The following TMEM52 variants were observed in gnomAD, a reference collection of about 807,000 sequenced individuals.
TMEM52 encodes transmembrane protein 52.
In TMEM52, 14 loss-of-function variants were observed where a neutral mutation model predicts 16.2. The observed-to-expected ratio is 0.87, with a 90% CI of 0.57 to 1.35. The LOEUF (loss-of-function observed/expected upper bound fraction) is 1.35, where lower values mean the gene tolerates loss of function less well. Ranked by LOEUF, TMEM52 falls within the 40% of genes most tolerant of loss-of-function variation. The pLI is 0.00. For missense variants in TMEM52, 309 were observed against 278.6 expected (o/e 1.11, Z -0.78); for synonymous variants, 136 against 124.7 (o/e 1.09, Z -0.60).
chr1:1,918,966 G>C, intron 2 of TMEM52, 32 bp from the exon 3 acceptor site: 1 of 1,353,310 alleles, frequency 7.4e-7, no homozygotes, highest in African/African-American at 1.5e-5. Context: ...GAGCAGGCGG[G>C]GCATGGGACG....
chr1:1,919,055 G>T lies in TMEM52; in HGVS notation c.118C>A (p.Pro40Thr). The T allele has an allele frequency of 8.2e-6, 11 of 1,339,178 alleles. No individual in the cohort carries two copies. Among genetic ancestry groups the T allele is most frequent in the Non-Finnish European group, 9.5e-6 (10 of 1,049,280 alleles). The allele number at this position is 1,339,178 out of a possible 1,614,324, so 83.0% of individuals were successfully genotyped here. A position where few individuals can be genotyped will look rare whatever the true frequency, so the allele number is the denominator to read the frequency against. Residue 40 changes from proline (P) to threonine (T), a missense_variant, in exon 2 of 5, where the codon CCC becomes ACC. Pro to Thr is a conservative substitution (Grantham distance 38, BLOSUM62 -1). Coordinates refer to ENST00000310991, the MANE Select transcript of TMEM52 (RefSeq NM_178545.4). The part of the protein sequence containing the change: ...ALGFADGSCD[P>T]SDQCPPQARW... Reference sequence around the variant, plus strand: ...TCCCCCCCGACTTACTGGTCCGAGGGGTCGCAGCTGCCGTCCGCGAAGCCC... The same window carrying T: ...TCCCCCCCGACTTACTGGTCCGAGGTGTCGCAGCTGCCGTCCGCGAAGCCC...
rs1651254054 is a variant in TMEM52, at chr1:1,919,126, C to G, written c.85-38G>C. 3.0e-6 allele frequency: 4 copies of G among 1,355,606 alleles called. No individual in the cohort carries two copies. In the East Asian group the frequency reaches 1.2e-4, roughly 41 times the overall value. The allele number at this position is 1,355,606 out of a possible 1,614,324, so 84.0% of individuals were successfully genotyped here. ...GGGTGAGCCCGGGAGGGGCGTGGTC[C>G]GAGCAGGGACCCGCCCCGCGGTGGC... On this transcript the variant is annotated intron_variant, in intron 1 of 4. Transcript: ENST00000310991.
Position 1,917,591 on chromosome 1 carries a change from C to G in TMEM52, c.*291G>C. ...AGAGTCCTTCCCACATAGGCAGAGA[C>G]CACTTAAATACAAACTTTATTCTCT... On this transcript the variant is annotated 3_prime_UTR_variant, in exon 5 of 5. Transcript: ENST00000310991. 2 of 557,442 alleles carry G rather than the reference C, an allele frequency of 3.6e-6. No homozygotes were observed. The highest frequency in any genetic ancestry group is 6.4e-6 in the Non-Finnish European group (2 of 313,742). 34.5% of individuals were successfully genotyped at this position (557,442 alleles called of 1,614,324 possible).
rs139652341 is a variant in TMEM52 at position 1,918,425 on chromosome 1, G to A, written c.177C>T (p.Ile59=). 105 of 1,611,802 alleles carry A rather than the reference G, an allele frequency of 6.5e-5. 1 individual carries two copies. In the Admixed American group the frequency reaches 1.6e-3, roughly 24 times the overall value. The change falls in exon 4 of 5, where the codon ATC becomes ATT. Residue 59 remains isoleucine, a synonymous_variant. Coordinates refer to ENST00000310991, the MANE Select transcript of TMEM52 (RefSeq NM_178545.4). Reference sequence around the variant, plus strand: ...GCAGAAGCAGGAGGACCGCCAGCAGGATGAGCCTAGGAGAGCAAGGCTCTA... The same window carrying A: ...GCAGAAGCAGGAGGACCGCCAGCAGAATGAGCCTAGGAGAGCAAGGCTCTA... ...RWSSLWHVGL[I]LLAVLLLLLC...
At chr1:1,918,473 C>A (rs1381240843) in intron 3 of TMEM52, 42 bp from the exon 4 acceptor site, 4 of 1,543,134 alleles carry the variant, frequency 2.6e-6, no homozygotes, top group Non-Finnish European at 3.5e-6. Context: ...CCCTCGGCCA[C>A]CGGGCACCTG....
At chr1:1,918,453 A>C in intron 3 of TMEM52, 22 bp from the exon 4 acceptor site, 1 of 1,603,178 alleles carries the variant, frequency 6.2e-7, no homozygotes, top group Non-Finnish European at 8.5e-7. Context: ...AGGCTCTACC[A>C]CTGGACTGAC....
At chr1:1,918,500 G>T in intron 3 of TMEM52, 69 bp from the exon 4 acceptor site, 1 of 1,311,454 alleles carries the variant, frequency 7.6e-7, no homozygotes, top group Non-Finnish European at 1.1e-6. Context: ...GGGGAATGTC[G>T]TGGCACAACC....
At position 1,917,659 on chromosome 1, in the gene TMEM52, C is replaced by T; in HGVS notation, c.*223G>A. Reference sequence around the variant, plus strand: ...CGTCACAGGTGGCCCTGAGCTCCCACCCGAGGCTTAGGCCCAAGGGGCCTC... The same window carrying T: ...CGTCACAGGTGGCCCTGAGCTCCCATCCGAGGCTTAGGCCCAAGGGGCCTC... On this transcript the variant is annotated 3_prime_UTR_variant, in exon 5 of 5. Coordinates refer to ENST00000310991, the MANE Select transcript of TMEM52 (RefSeq NM_178545.4). 1 of 601,770 alleles carries T rather than the reference C, an allele frequency of 1.7e-6. No individual in the cohort carries two copies. The highest frequency in any genetic ancestry group is 2.9e-6 in the Non-Finnish European group (1 of 340,808). 37.3% of individuals were successfully genotyped at this position (601,770 alleles called of 1,614,324 possible).
At chr1:1,918,547 G>A (rs1221815256) in intron 3 of TMEM52, 116 bp from the exon 4 acceptor site, 1 of 958,156 alleles carries the variant, frequency 1.0e-6, no homozygotes, top group South Asian at 1.4e-5. Context: ...AGCAGACAAT[G>A]TCTCTCCATG....
Position 1,917,976 on chromosome 1 carries a change from G to A in TMEM52, c.536C>T (p.Pro179Leu), listed in dbSNP as rs200901327. Residue 179 changes from proline (P) to leucine (L), a missense_variant, in exon 5 of 5, where the codon CCT (proline) becomes CTT (leucine). Pro to Leu is a moderately conservative substitution (Grantham distance 98). Transcript: ENST00000310991. ...CTCTAGGCCCGAGGCCCCAAGGAGA[G>A]GGCTGGGTTTCTGGGAGAGTGCTGG... ...EGPALSQKPS[P>L]LLGASGLETT... 4 of 1,613,978 alleles carry A rather than the reference G, an allele frequency of 2.5e-6. No individual in the cohort carries two copies. Among genetic ancestry groups the A allele is most frequent in the Non-Finnish European group, 3.4e-6 (4 of 1,180,022 alleles).
In TMEM52 at chr1:1,917,784, A is replaced by T; in HGVS notation, c.*98T>A. 1.5e-6 allele frequency: 2 copies of T among 1,363,010 alleles called. No homozygotes were observed. The highest frequency in any genetic ancestry group is 1.0e-6 in the Non-Finnish European group (1 of 987,274). 84.4% of individuals were successfully genotyped at this position (1,363,010 alleles called of 1,614,324 possible). On this transcript the variant is annotated 3_prime_UTR_variant, in exon 5 of 5. Transcript: ENST00000310991. ...CAGGGGCCGGTGTAACATGGCACCG[A>T]GGTTGGGGCCACAGCAATGTGTGGG...
intron 3 of TMEM52, 102 bp downstream of exon 3, chr1:1,918,791 C>G (rs1264739654): frequency 7.4e-7 from 1 of 1,356,830 alleles, no homozygotes; most frequent in Non-Finnish European, 9.8e-7. Context: ...GACTGGGCGA[C>G]AGCGGAGGCG....
At chr1:1,918,787 G>T (rs1242551067) in intron 3 of TMEM52, 106 bp downstream of exon 3, 4 of 1,331,114 alleles carry the variant, frequency 3.0e-6, no homozygotes, top group Non-Finnish European at 4.0e-6. Flanking sequence ...CCGGGACTGG[G>T]CGACAGCGGA....
At position 1,918,286 on chromosome 1, in the gene TMEM52, C is replaced by T. The variant is rs781635967; in HGVS notation, c.316G>A (p.Asp106Asn). The change falls in exon 4 of 5, where the codon GAC becomes AAC. Residue 106 changes from aspartate (D) to asparagine (N), a missense_variant. Asp to Asn is a conservative substitution (Grantham distance 23). Coordinates refer to ENST00000310991, the MANE Select transcript of TMEM52 (RefSeq NM_178545.4). Reference sequence around the variant, plus strand: ...GTGCTGTGTACAGGGCTGTCACTGTCCATAGGGATGACTGCCACGTCGCAG... The same window carrying T: ...GTGCTGTGTACAGGGCTGTCACTGTTCATAGGGATGACTGCCACGTCGCAG... The part of the protein sequence containing the change: ...QPCDVAVIPM[D>N]SDSPVHSTVT... The T allele has an allele frequency of 6.2e-6, 10 of 1,612,766 alleles. No homozygotes were observed. The highest frequency in any genetic ancestry group is 4.0e-5 in the African/African-American group (3 of 74,906).
At chr1:1,918,494 A>G in intron 3 of TMEM52, 63 bp from the exon 4 acceptor site, 1 of 1,382,900 alleles carries the variant, frequency 7.2e-7, no homozygotes, top group Non-Finnish European at 1.0e-6. Flanking sequence ...CACCCTGGGG[A>G]ATGTCGTGGC....
rs771177585 is a variant in TMEM52 at position 1,918,151 on chromosome 1, C to G, written c.361G>C (p.Val121Leu). Residue 121 changes from valine (V) to leucine (L), a missense_variant, in exon 5 of 5, where the codon GTG becomes CTG. Val to Leu is a conservative substitution (Grantham distance 32). Coordinates refer to ENST00000310991, the MANE Select transcript of TMEM52 (RefSeq NM_178545.4). ...VHSTVTSYSS[V>L]QYPLGMRLPL... Reference sequence around the variant, plus strand: ...AACCGCATGCCCAGTGGGTACTGCACGGAGCTGTAGGCTGCAGGGAACCAG... The same window carrying G: ...AACCGCATGCCCAGTGGGTACTGCAGGGAGCTGTAGGCTGCAGGGAACCAG... The G allele has an allele frequency of 7.4e-6, 12 of 1,612,958 alleles. No homozygotes were observed. In the South Asian group the frequency reaches 1.3e-4, roughly 18 times the overall value.
In TMEM52 at chr1:1,918,179, T is replaced by C; in HGVS notation, c.350-17A>G. The C allele has an allele frequency of 6.2e-7, 1 of 1,609,076 alleles. No individual in the cohort carries two copies. Among genetic ancestry groups the C allele is most frequent in the African/African-American group, 1.3e-5 (1 of 74,806 alleles). On this transcript the variant is annotated splice_polypyrimidine_tract_variant and intron_variant, in intron 4 of 4. Transcript: ENST00000310991. The stretch of plus-strand genomic sequence containing the variant: ...AGCTGTAGGCTGCAGGGAACCAGAG[T>C]GGGTTCGTGGAGGCGGGCTTGGCAT...
intron 3 of TMEM52, 150 bp downstream of exon 3, chr1:1,918,743 G>A: frequency 1.1e-6 from 1 of 919,114 alleles, no homozygotes; most frequent in Non-Finnish European, 1.6e-6. Context: ...GGGAGGGAAG[G>A]TCCTGCTTGC....
Position 1,919,271 on chromosome 1 carries a change from G to T in TMEM52, c.-6C>A. On this transcript the variant is annotated 5_prime_UTR_variant, in exon 1 of 5. Coordinates refer to ENST00000310991, the MANE Select transcript of TMEM52 (RefSeq NM_178545.4). Reference sequence around the variant, plus strand: ...GCCAGCGGCCCCCGGGCCATGCTCTGAGGAGGTTGGAGCAAAGCCCGGCGG... The same window carrying T: ...GCCAGCGGCCCCCGGGCCATGCTCTTAGGAGGTTGGAGCAAAGCCCGGCGG... 1 of 1,381,958 alleles carries T rather than the reference G, an allele frequency of 7.2e-7. No homozygotes were observed. The highest frequency in any genetic ancestry group is 9.3e-7 in the Non-Finnish European group (1 of 1,078,014). 85.6% of individuals were successfully genotyped at this position (1,381,958 alleles called of 1,614,324 possible).
Sources: gnomAD v4.1 joint callset for allele counts on GRCh38, gnomAD v4.1.1 for gene constraint, MANE v1.5 for transcripts, NCBI Gene and HGNC (gene_info 2026-07-23, HGNC 2026-07-21) for gene names.